Variants in TEX14 observed in about 807,000 individuals in gnomAD.
TEX14 encodes inactive serine/threonine-protein kinase TEX14.
In TEX14, 168 loss-of-function variants were observed where a neutral mutation model predicts 178.6. That is an observed-to-expected ratio of 0.94 (90% CI 0.83 to 1.07). TEX14 has a LOEUF of 1.07. Ranked by LOEUF, TEX14 falls within the 50% of genes least tolerant of loss-of-function variation. TEX14 has a pLI of 0.00. For synonymous variants in TEX14, 626 were observed against 634.1 expected (o/e 0.99, Z 0.19); for missense variants, 1,730 against 1,753.6 (o/e 0.99, Z 0.24).
intron 15 of TEX14, among the ~76,000 whole-genome samples, chr17:58,590,076 C>T (rs1165232531): frequency 6.6e-6 from 1 of 151,982 alleles, no homozygotes; most frequent in African/African-American, 2.4e-5. Context: ...TCCTGGACAA[C>T]ATGGTGAAAT....
At chr17:58,564,158 A>C (rs555637741) in intron 28 of TEX14, 1 of 152,318 alleles carries the variant, frequency 6.6e-6, no homozygotes, top group Admixed American at 6.5e-5. Context: ...TAGAATTACC[A>C]TATGATCCAG....
intron 28 of TEX14, among the ~76,000 whole-genome samples, chr17:58,562,879 C>A (rs1038181756): frequency 6.7e-6 from 1 of 150,134 alleles, no homozygotes; most frequent in Non-Finnish European, 1.5e-5. Context: ...CAAGGCCAGT[C>A]TGGGCAACAT....
intron 1 of TEX14, among the ~76,000 whole-genome samples, chr17:58,657,593 C>A (rs1371946185): frequency 7.2e-6 from 1 of 138,762 alleles, no homozygotes; most frequent in East Asian, 2.1e-4. Context: ...CGGCTCACTG[C>A]AGCCTCTGCC....
intron 2 of TEX14, among the ~76,000 whole-genome samples, chr17:58,631,378 A>AAGT (rs1278828213): frequency 3.9e-5 from 6 of 152,154 alleles, no homozygotes; most frequent in Non-Finnish European, 7.3e-5. Flanking sequence ...AGGACTGCTT[A>AAGT]AGTGGCAGAG....
intron 31 of TEX14, 46 bp from the exon 32 acceptor site, chr17:58,557,093 G>A: frequency 1.3e-6 from 2 of 1,513,706 alleles, no homozygotes; most frequent in Non-Finnish European, 1.8e-6. Context: ...TTTCGAGTTG[G>A]TATGTGTGTT....
At chr17:58,623,809 G>C (rs1442575880) in intron 3 of TEX14, among the ~76,000 whole-genome samples, 1 of 148,926 alleles carries the variant, frequency 6.7e-6, no homozygotes, top group Non-Finnish European at 1.5e-5. Flanking sequence ...AAGAGGAGGA[G>C]GGGGAGGGAA....
chr17:58,581,091 T>C (rs2044802558), intron 19 of TEX14, among the ~76,000 whole-genome samples: 1 of 152,066 alleles, frequency 6.6e-6, no homozygotes, highest in African/African-American at 2.4e-5. Flanking sequence ...GGCGGGCGGA[T>C]CACGAGTTCA....
intron 1 of TEX14, among the ~76,000 whole-genome samples, chr17:58,690,198 GCT>G (rs1485752917): frequency 6.6e-6 from 1 of 151,576 alleles, no homozygotes. Flanking sequence ...ATGGAGTCTC[GCT>G]CTGTCGCCCA....
chr17:58,595,959 C>A (rs756410593), intron 14 of TEX14, among the ~76,000 whole-genome samples: 3 of 152,128 alleles, frequency 2.0e-5, no homozygotes, highest in Admixed American at 1.3e-4. Flanking sequence ...CCAAGGTGGG[C>A]GGATCACAAG....
chr17:58,606,042 A>G (rs749149141), intron 10 of TEX14, among the ~76,000 whole-genome samples: 5 of 152,112 alleles, frequency 3.3e-5, no homozygotes, highest in South Asian at 4.2e-4. Context: ...GACTTCCCCA[A>G]CTCCTCATGA....
intron 27 of TEX14, 35 bp from the exon 28 acceptor site, chr17:58,565,003 C>T (rs371520585): frequency 3.5e-5 from 48 of 1,386,482 alleles, no homozygotes; most frequent in Non-Finnish European, 4.1e-5. Flanking sequence ...TTTATTAGAA[C>T]GAAAAAAAAA....
chr17:58,638,617 C>T (rs1031460927), intron 2 of TEX14, among the ~76,000 whole-genome samples: 15 of 152,110 alleles, frequency 9.9e-5, no homozygotes, highest in African/African-American at 3.6e-4. Context: ...CGGCTTACCA[C>T]AACCTCCACC....
intron 2 of TEX14, among the ~76,000 whole-genome samples, chr17:58,633,721 C>A (rs1458471578): frequency 2.0e-5 from 3 of 152,136 alleles, no homozygotes; most frequent in Non-Finnish European, 4.4e-5. Flanking sequence ...GTAATCCCAG[C>A]ACTTTGAGAG....
chr17:58,621,805 A>T lies in TEX14; in HGVS notation c.418-19T>A, dbSNP rs1487566263. Reference sequence around the variant, plus strand: ...CCACTATCTGCAAAACATCGCAGAGATGCCCAGTGCGGGCGCACCAGTTCT... The same window carrying T: ...CCACTATCTGCAAAACATCGCAGAGTTGCCCAGTGCGGGCGCACCAGTTCT... On this transcript the variant is annotated intron_variant, in intron 4 of 31. Coordinates refer to ENST00000349033, the MANE Select transcript of TEX14 (RefSeq NM_031272.5). 1.9e-6 allele frequency: 3 copies of T among 1,608,478 alleles called. No homozygotes were observed. Among genetic ancestry groups the T allele is most frequent in the Non-Finnish European group, 2.5e-6 (3 of 1,176,534 alleles).
intron 2 of TEX14, among the ~76,000 whole-genome samples, chr17:58,645,567 C>T (rs1378853739): frequency 6.6e-6 from 1 of 151,814 alleles, no homozygotes; most frequent in Admixed American, 6.6e-5. Flanking sequence ...ACCATGTTAC[C>T]CGGGATGGTC....
chr17:58,621,329 A>T (rs1313775507), intron 5 of TEX14, among the ~76,000 whole-genome samples: 7 of 152,220 alleles, frequency 4.6e-5, no homozygotes, highest in Non-Finnish European at 7.3e-5. Context: ...AAAGCCAGCC[A>T]GGTGTCCTGC....
intron 1 of TEX14, among the ~76,000 whole-genome samples, chr17:58,665,020 A>G (rs2047181551): frequency 6.6e-6 from 1 of 152,198 alleles, no homozygotes; most frequent in Non-Finnish European, 1.5e-5. Context: ...AGTTTGTGGA[A>G]GTAATACAGC....
rs1050631936 is a variant in TEX14, at chr17:58,556,930, C to A, written c.*81G>T. On this transcript the variant is annotated 3_prime_UTR_variant, in exon 32 of 32. Transcript: ENST00000349033. ...ACTGGAACTGCTGCCCTGACAGCAA[C>A]TGAAGCAGAAAGAGAAGAAAGGAGC... The A allele has an allele frequency of 7.6e-6, 9 of 1,176,868 alleles. No homozygotes were observed. Among genetic ancestry groups the A allele is most frequent in the Admixed American group, 6.9e-5 (4 of 58,256 alleles). 72.9% of individuals were successfully genotyped at this position (1,176,868 alleles called of 1,614,324 possible).
At chr17:58,688,215 T>A (rs763445102) in intron 1 of TEX14, among the ~76,000 whole-genome samples, 1 of 152,008 alleles carries the variant, frequency 6.6e-6, no homozygotes, top group African/African-American at 2.4e-5. Flanking sequence ...CTGCCTCCCA[T>A]GTTCCAGCAA....
Sources: allele counts gnomAD v4.1 joint callset (sites outside exome capture counted in the v4.1 genomes callset), GRCh38; gene constraint gnomAD v4.1.1; transcripts MANE v1.5; gene names NCBI Gene and HGNC (gene_info 2026-07-23, HGNC 2026-07-21).